The following FOXP2 variants were observed in gnomAD, a reference collection of about 807,000 sequenced individuals.
FOXP2 encodes forkhead box P2, also known as forkhead box protein P2.
A neutral mutation model predicts 115.8 loss-of-function variants in FOXP2; 12 were observed. That is an observed-to-expected ratio of 0.10 (90% CI 0.07 to 0.17). The LOEUF is 0.17. Ranked by LOEUF, FOXP2 falls within the 10% of genes least tolerant of loss-of-function variation. FOXP2 has a pLI of 1.00. For synonymous variants in FOXP2, 328 were observed against 297.7 expected, an observed-to-expected ratio of 1.10 and a Z score of -1.05; for missense variants, 629 against 843.5, an observed-to-expected ratio of 0.75 and a Z score of 3.15.
chr7:114,687,874 A>G (rs1418708639), intron 16 of FOXP2, among the ~76,000 whole-genome samples: 1 of 152,082 alleles, frequency 6.6e-6, no homozygotes, highest in Non-Finnish European at 1.5e-5. Flanking sequence ...TTAAATTTTA[A>G]ATTTTTCTGT....
rs773253707 is a variant in FOXP2 at position 114,663,465 on chromosome 7, A to T, written c.1785A>T (p.Val595=). 44 of 1,609,374 alleles carry T rather than the reference A, an allele frequency of 2.7e-5. No homozygotes were observed. Among genetic ancestry groups the T allele is most frequent in the Non-Finnish European group, 3.6e-5 (42 of 1,177,046 alleles). ...SQKITGSPTL[V]KNIPTSLGYG... ...TTTTTTTCAGAAGTCCAACCTTAGT[A>T]AAAAATATACCTACCAGTTTAGGCT... The change falls in exon 15 of 17, where the codon GTA becomes GTT. Residue 595 remains valine, a synonymous_variant. Coordinates refer to ENST00000350908, the MANE Select transcript of FOXP2 (RefSeq NM_014491.4).
At chr7:114,461,686 C>T (rs1349143571) in intron 2 of FOXP2, among the ~76,000 whole-genome samples, 1 of 151,960 alleles carries the variant, frequency 6.6e-6, no homozygotes, top group Admixed American at 6.6e-5. Context: ...CATTTCTTCT[C>T]TCTCCTCCCT....
intron 8 of FOXP2, among the ~76,000 whole-genome samples, chr7:114,647,068 ATAT>A (rs1805952842): frequency 6.6e-6 from 1 of 151,870 alleles, no homozygotes; most frequent in Admixed American, 6.6e-5. Context: ...TTTTAGGAAA[ATAT>A]TATTGTGCAT....
Position 114,545,421 on chromosome 7 carries a change from G to A in FOXP2, c.258+10715G>A, listed in dbSNP as rs114215420. On this transcript the variant is annotated intron_variant, in intron 3 of 16. Transcript: ENST00000350908. ...TTTCAGGATCATTTCCAACAATATTGTCAGAATTTTATTTTTACTATTATG... is the reference window on the plus strand; with the variant it reads ...TTTCAGGATCATTTCCAACAATATTATCAGAATTTTATTTTTACTATTATG... Among the ~76,000 whole-genome samples the A allele has an allele frequency of 3.4e-3, 512 of 152,198 alleles. 2 individuals are homozygous for A. The highest frequency in any genetic ancestry group is 0.012 in the African/African-American group (487 of 41,514).
At chr7:114,257,451 CTTTTTTT>C (rs35852445) in intron 1 of FOXP2, among the ~76,000 whole-genome samples, 1 of 92,188 alleles carries the variant, frequency 1.1e-5, no homozygotes, top group Non-Finnish European at 2.1e-5. Flanking sequence ...TCTTTTCTTT[CTTTTTTT>C]TTTTTTTTTT....
intron 2 of FOXP2, among the ~76,000 whole-genome samples, chr7:114,395,374 C>T (rs1300927515): frequency 6.6e-6 from 1 of 152,032 alleles, no homozygotes; most frequent in Non-Finnish European, 1.5e-5. Context: ...GGCATTGCAG[C>T]AGAGGAAAAA....
At chr7:114,268,566 G>A (rs1795956238) in intron 1 of FOXP2, among the ~76,000 whole-genome samples, 1 of 152,086 alleles carries the variant, frequency 6.6e-6, no homozygotes. Flanking sequence ...TGGCAAGTTA[G>A]GATAGTGAGA....
chr7:114,263,244 T>C (rs915488335), intron 1 of FOXP2, among the ~76,000 whole-genome samples: 1 of 152,166 alleles, frequency 6.6e-6, no homozygotes, highest in Non-Finnish European at 1.5e-5. Flanking sequence ...TCTTTGCTTA[T>C]GCCAGAACTG....
At chr7:114,346,268 T>C (rs1347830447) in intron 2 of FOXP2, among the ~76,000 whole-genome samples, 1 of 151,826 alleles carries the variant, frequency 6.6e-6, no homozygotes, top group Non-Finnish European at 1.5e-5. Context: ...GGAAATGGAA[T>C]CATCATATCA....
chr7:114,548,201 T>C (rs1474207544), intron 3 of FOXP2, among the ~76,000 whole-genome samples: 1 of 152,196 alleles, frequency 6.6e-6, no homozygotes, highest in Non-Finnish European at 1.5e-5. Context: ...AAAATAAAAA[T>C]AGGTGCAGAC....
At chr7:114,236,937 A>G (rs1182010142) in intron 1 of FOXP2, among the ~76,000 whole-genome samples, 1 of 152,136 alleles carries the variant, frequency 6.6e-6, no homozygotes, top group East Asian at 1.9e-4. Context: ...AGATCATGCA[A>G]CTGACTCCAT....
rs557523664 is a variant in FOXP2 at position 114,258,308 on chromosome 7, A to C, written c.-101-29711A>C. Among the ~76,000 whole-genome samples, 8 of 152,336 alleles carry C rather than the reference A, an allele frequency of 5.3e-5. 1 individual carries two copies. In the East Asian group the frequency reaches 1.5e-3, roughly 29 times the overall value. On this transcript the variant is annotated intron_variant, in intron 1 of 17. Coordinates refer to the FOXP2 transcript ENST00000634411. ...GGTTATGTGTCTTAATCCCTACATT[A>C]TACTGTGTTTGGTGGATATCCTATG...
intron 1 of FOXP2, among the ~76,000 whole-genome samples, chr7:114,186,190 C>T (rs1030527850): frequency 2.6e-5 from 4 of 152,232 alleles, no homozygotes; most frequent in Admixed American, 1.3e-4. Context: ...TCCAAACTAA[C>T]GTCCTTCTAA....
intron 3 of FOXP2, among the ~76,000 whole-genome samples, chr7:114,620,649 G>A (rs1253916267): frequency 6.6e-6 from 1 of 151,904 alleles, no homozygotes; most frequent in African/African-American, 2.4e-5. Flanking sequence ...TTGCAACTGT[G>A]GGAAAATAGT....
chr7:114,086,865 TG>T (rs1265966655), upstream of FOXP2, among the ~76,000 whole-genome samples: 1 of 152,076 alleles, frequency 6.6e-6, no homozygotes, highest in East Asian at 1.9e-4. Context: ...TGCTTTGTGA[TG>T]GGGGAAAAAG....
At chr7:114,112,474 T>A (rs1176438406) in intron 1 of FOXP2, among the ~76,000 whole-genome samples, 1 of 151,940 alleles carries the variant, frequency 6.6e-6, no homozygotes, top group Non-Finnish European at 1.5e-5. Context: ...AATTTTTGTG[T>A]TTTTTGTAGA....
intron 3 of FOXP2, among the ~76,000 whole-genome samples, chr7:114,550,210 T>C (rs1000040880): frequency 1.4e-5 from 2 of 147,830 alleles, no homozygotes; most frequent in Non-Finnish European, 3.0e-5. Context: ...CTCCGCCTCC[T>C]GGGTTGACGC....
At chr7:114,619,770 G>T (rs567298576) in intron 3 of FOXP2, among the ~76,000 whole-genome samples, 1 of 151,948 alleles carries the variant, frequency 6.6e-6, no homozygotes, top group African/African-American at 2.4e-5. Flanking sequence ...TTGTCCAAAA[G>T]TACCAAATAT....
At chr7:114,666,448 T>C (rs1807167972) in intron 16 of FOXP2, 1 of 152,156 alleles carries the variant, frequency 6.6e-6, no homozygotes, top group African/African-American at 2.4e-5. Context: ...TATAAAGTTC[T>C]AAGATGCTTG....
Sources: gnomAD v4.1 joint callset for allele counts (sites outside exome capture counted in the v4.1 genomes callset) on GRCh38, gnomAD v4.1.1 for gene constraint, MANE v1.5 for transcripts, NCBI Gene and HGNC (gene_info 2026-07-23, HGNC 2026-07-21) for gene names.